Variants in NRBF2 observed in about 807,000 individuals in gnomAD.
NRBF2 encodes the protein nuclear receptor binding factor 2.
In NRBF2, 12 loss-of-function variants were observed where a neutral mutation model predicts 28.5. That is an observed-to-expected ratio of 0.42 (90% CI 0.27 to 0.68). The LOEUF is 0.68. NRBF2 is among the 30% of genes least tolerant of loss of function. NRBF2 has a pLI of 0.24. For synonymous variants in NRBF2, 102 were observed against 116.5 expected (o/e 0.88, Z 0.80); for missense variants, 274 against 333.5 (o/e 0.82, Z 1.39).
chr10:63,135,033 C>G (rs2016673), intron 1 of NRBF2, among the ~76,000 whole-genome samples: 14 of 152,274 alleles, frequency 9.2e-5, no homozygotes, highest in Admixed American at 7.8e-4. Context: ...ACAAAAAATA[C>G]AAAAATAGCC....
intron 1 of NRBF2, among the ~76,000 whole-genome samples, chr10:63,142,997 T>C (rs764665482): frequency 7.2e-5 from 11 of 152,006 alleles, no homozygotes; most frequent in Non-Finnish European, 1.0e-4. Context: ...GCCAGGCTGG[T>C]CTTAAACTCC....
At chr10:63,138,354 C>G (rs1841406279) in intron 1 of NRBF2, among the ~76,000 whole-genome samples, 1 of 151,254 alleles carries the variant, frequency 6.6e-6, no homozygotes, top group African/African-American at 2.4e-5. Flanking sequence ...TGTGGTGGCA[C>G]ATGCCTATAA....
rs185452989 is a variant in NRBF2, at chr10:63,137,026, A to T, written c.30+3526A>T. 3.5e-4 allele frequency among the ~76,000 whole-genome samples: 54 copies of T among 152,244 alleles called. No homozygotes were observed. In the East Asian group the frequency reaches 8.3e-3, roughly 23 times the overall value. Reference sequence around the variant, plus strand: ...TTGTTTCATTAGGGTTTTTTGGTCAATTTTTCTTTAAGAGACAGGGTCTTA... The same window carrying T: ...TTGTTTCATTAGGGTTTTTTGGTCATTTTTTCTTTAAGAGACAGGGTCTTA... On this transcript the variant is annotated intron_variant, in intron 1 of 3. Transcript: ENST00000277746.
At chr10:63,140,328 G>T (rs748640200) in intron 1 of NRBF2, among the ~76,000 whole-genome samples, 1 of 152,214 alleles carries the variant, frequency 6.6e-6, no homozygotes, top group South Asian at 2.1e-4. Flanking sequence ...AAGTCCCACA[G>T]AATCATATGG....
chr10:63,133,654 C>T (rs1417000840), intron 1 of NRBF2, among the ~76,000 whole-genome samples, 154 bp downstream of exon 1: 1 of 152,174 alleles, frequency 6.6e-6, no homozygotes, highest in Non-Finnish European at 1.5e-5. Context: ...CAGGCCCTGG[C>T]CCAACTGCGG....
At position 63,143,920 on chromosome 10, in the gene NRBF2, G is replaced by C. The variant is rs149153337; in HGVS notation, c.31-2289G>C. Among the ~76,000 whole-genome samples, 179 of 151,666 alleles carry C rather than the reference G, an allele frequency of 1.2e-3. 1 individual carries two copies. In the East Asian group the frequency reaches 0.03, roughly 25 times the overall value. ...ACTACAGGTGCGAGCGCCACACCCG[G>C]CTAATTTTTGTATTTTTTGTAGAGA... is the stretch of plus-strand genomic sequence containing the variant. On this transcript the variant is annotated intron_variant, in intron 1 of 3. Coordinates refer to ENST00000277746, the MANE Select transcript of NRBF2 (RefSeq NM_030759.5).
chr10:63,134,911 G>C (rs1841351549), intron 1 of NRBF2, among the ~76,000 whole-genome samples: 1 of 152,224 alleles, frequency 6.6e-6, no homozygotes, highest in Non-Finnish European at 1.5e-5. Context: ...GAACTGGCCA[G>C]GCGCCGGGGC....
chr10:63,143,178 A>G (rs1224338919), intron 1 of NRBF2, among the ~76,000 whole-genome samples: 1 of 152,166 alleles, frequency 6.6e-6, no homozygotes, highest in Non-Finnish European at 1.5e-5. Context: ...AGTATCTGAA[A>G]TCCTGTAATT....
Position 63,153,832 on chromosome 10 carries a change from G to T in NRBF2, c.478G>T (p.Ala160Ser), listed in dbSNP as rs1197801929. The T allele has an allele frequency of 1.2e-6, 2 of 1,612,632 alleles. No individual in the cohort carries two copies. Among genetic ancestry groups the T allele is most frequent in the South Asian group, 2.2e-5 (2 of 90,994 alleles). The change falls in exon 4 of 4, where the codon GCC becomes TCC. Residue 160 changes from alanine (A) to serine (S), a missense_variant. Ala to Ser is a moderately conservative substitution (Grantham distance 99). Transcript: ENST00000277746. ...EPAEPCIGSK[A>S]PKDDKTIIEE... Reference sequence around the variant, plus strand: ...AGCAGAGCCATGTATTGGAAGCAAAGCCCCAAAAGATGATAAAACAATTAT... The same window carrying T: ...AGCAGAGCCATGTATTGGAAGCAAATCCCCAAAAGATGATAAAACAATTAT...
At chr10:63,146,541 TA>T (rs1233120102) in intron 2 of NRBF2, among the ~76,000 whole-genome samples, 1 of 152,232 alleles carries the variant, frequency 6.6e-6, no homozygotes. Context: ...CAAAGATCCC[TA>T]AAAACAGGAG....
rs1297562169 is a variant in NRBF2 at position 63,152,193 on chromosome 10, G to A, written c.156+3G>A. The A allele has an allele frequency of 1.2e-6, 2 of 1,612,950 alleles. No individual in the cohort carries two copies. Among genetic ancestry groups the A allele is most frequent in the East Asian group, 2.2e-5 (1 of 44,856 alleles). Reference sequence around the variant, plus strand: ...TGAAGCTGACACAGTCAGAGCAGGTGAGACATATTCCCAATATTTGCGACA... The same window carrying A: ...TGAAGCTGACACAGTCAGAGCAGGTAAGACATATTCCCAATATTTGCGACA... On this transcript the variant is annotated splice_donor_region_variant and intron_variant, in intron 3 of 3. Transcript: ENST00000277746.
intron 1 of NRBF2, among the ~76,000 whole-genome samples, chr10:63,137,783 C>T (rs1372685084): frequency 1.3e-5 from 2 of 152,146 alleles, no homozygotes; most frequent in Admixed American, 6.5e-5. Flanking sequence ...TGAACCCCTT[C>T]TTTGTTGCCC....
chr10:63,135,881 G>C (rs997699535), intron 1 of NRBF2, among the ~76,000 whole-genome samples: 9 of 152,070 alleles, frequency 5.9e-5, no homozygotes, highest in Non-Finnish European at 1.5e-5. Context: ...TCCTGACCTC[G>C]TGATCCCCCC....
At position 63,144,201 on chromosome 10, in the gene NRBF2, A is replaced by T. The variant is rs183876781; in HGVS notation, c.31-2008A>T. ...AATTTTTTCATCTTGCAAAACTGAA[A>T]CTATGCCGTTTGAATACCTACTCCC... On this transcript the variant is annotated intron_variant, in intron 1 of 3. Transcript: ENST00000277746. Among the ~76,000 whole-genome samples, 100 of 152,292 alleles carry T rather than the reference A, an allele frequency of 6.6e-4. 1 individual carries two copies. The highest frequency in any genetic ancestry group is 2.3e-3 in the African/African-American group (94 of 41,566).
At position 63,152,027 on chromosome 10, in the gene NRBF2, C is replaced by G. The variant is rs529240933; in HGVS notation, c.116-123C>G. On this transcript the variant is annotated intron_variant, in intron 2 of 3. Coordinates refer to ENST00000277746, the MANE Select transcript of NRBF2 (RefSeq NM_030759.5). ...GTTAAGAATTCTTTTAAAAAATCCC[C>G]AATTGTATCAGAGTTATCAGACCAG... 837 of 568,292 alleles carry G rather than the reference C, an allele frequency of 1.5e-3. 1 individual carries two copies. Among genetic ancestry groups the G allele is most frequent in the Admixed American group, 5.7e-3 (154 of 27,054 alleles). 35.2% of individuals were successfully genotyped at this position (568,292 alleles called of 1,614,324 possible).
chr10:63,133,444 C>G lies in NRBF2; in HGVS notation c.-27C>G, dbSNP rs746264011. ...TTCCCCGGCGCCACTACTCCCCTTC[C>G]TAAGGCCGCCGCTTACCCCGGGGTC... is the stretch of plus-strand genomic sequence containing the variant. On this transcript the variant is annotated 5_prime_UTR_variant, in exon 1 of 4. Coordinates refer to ENST00000277746, the MANE Select transcript of NRBF2 (RefSeq NM_030759.5). The G allele has an allele frequency of 5.6e-6, 9 of 1,611,804 alleles. No homozygotes were observed. The South Asian group carries it at 9.9e-5, about 18-fold the overall frequency.
At chr10:63,145,606 A>AT (rs1464969041) in intron 1 of NRBF2, among the ~76,000 whole-genome samples, 1 of 152,188 alleles carries the variant, frequency 6.6e-6, no homozygotes, top group African/African-American at 2.4e-5. Context: ...AGAACTTCTG[A>AT]TTTTTTTGAC....
chr10:63,150,807 G>A (rs1195551402), intron 2 of NRBF2, among the ~76,000 whole-genome samples: 1 of 152,186 alleles, frequency 6.6e-6, no homozygotes, highest in East Asian at 1.9e-4. Context: ...TAGGGGTGAT[G>A]GGAGACAGCG....
chr10:63,148,240 C>G (rs1841594684), intron 2 of NRBF2, among the ~76,000 whole-genome samples: 1 of 152,168 alleles, frequency 6.6e-6, no homozygotes, highest in South Asian at 2.1e-4. Context: ...CTCCCCACTC[C>G]AGAAAAATAC....
Sources: gnomAD v4.1 joint callset for allele counts (sites outside exome capture counted in the v4.1 genomes callset) on GRCh38, gnomAD v4.1.1 for gene constraint, MANE v1.5 for transcripts, NCBI Gene and HGNC (gene_info 2026-07-23, HGNC 2026-07-21) for gene names.